The following INPP5B variants were observed in gnomAD, a reference collection of about 807,000 sequenced individuals.
The protein encoded by INPP5B is type II inositol 1,4,5-trisphosphate 5-phosphatase.
In INPP5B, 90 loss-of-function variants were observed where a neutral mutation model predicts 118.5. The ratio of observed to expected loss-of-function variants is 0.76; its 90% confidence interval spans 0.64 to 0.90. The LOEUF is 0.90. INPP5B is among the 40% of genes least tolerant of loss of function. The probability of loss-of-function intolerance (pLI) is 0.00; values close to 1 mark genes in which losing one functional copy is unlikely to be tolerated. For synonymous variants in INPP5B, 385 were observed against 418.9 expected, an observed-to-expected ratio of 0.92 and a Z score of 0.99; for missense variants, 984 against 1,125.6, an observed-to-expected ratio of 0.87 and a Z score of 1.80.
At chr1:37,939,758 TAG>T (rs1355678804) in intron 6 of INPP5B, among the ~76,000 whole-genome samples, 4 of 152,134 alleles carry the variant, frequency 2.6e-5, no homozygotes, top group Non-Finnish European at 5.9e-5. Context: ...TTTTATTTTT[TAG>T]AGACAGGGGT....
At chr1:37,883,620 C>A in intron 13 of INPP5B, 1 of 985,402 alleles carries the variant, frequency 1.0e-6, no homozygotes, top group African/African-American at 1.7e-5. Flanking sequence ...ATTAATGCAT[C>A]CACAAACTAA....
chr1:37,918,799 A>C (rs1343451093), intron 7 of INPP5B, among the ~76,000 whole-genome samples: 2 of 152,176 alleles, frequency 1.3e-5, no homozygotes, highest in Non-Finnish European at 2.9e-5. Context: ...AACCTAGCAC[A>C]ATGCCTGGTA....
chr1:37,941,536 GA>G (rs1389560356), intron 5 of INPP5B, among the ~76,000 whole-genome samples: 1 of 152,074 alleles, frequency 6.6e-6, no homozygotes, highest in Non-Finnish European at 1.5e-5. Flanking sequence ...AGCTACTTGG[GA>G]GGCTGAGGTG....
intron 7 of INPP5B, among the ~76,000 whole-genome samples, chr1:37,926,962 T>C (rs1645252450): frequency 6.6e-6 from 1 of 151,394 alleles, no homozygotes; most frequent in African/African-American, 2.4e-5. Flanking sequence ...ATCTAGTGGT[T>C]AGGAAGAAAA....
chr1:37,873,345 A>G (rs934564795), intron 18 of INPP5B, 180 bp from the exon 19 acceptor site: 1 of 595,854 alleles, frequency 1.7e-6, no homozygotes, highest in Non-Finnish European at 3.0e-6. Flanking sequence ...AAGAGTTTAT[A>G]GTCCAACTGG....
At position 37,863,967 on chromosome 1, in the gene INPP5B, A is replaced by C. The variant is rs553991890; in HGVS notation, c.2626+345T>G. Among the ~76,000 whole-genome samples, 11 of 151,732 alleles carry C rather than the reference A, an allele frequency of 7.2e-5. No individual in the cohort carries two copies. The East Asian group carries it at 2.2e-3, about 30-fold the overall frequency. On this transcript the variant is annotated intron_variant, in intron 23 of 23. Transcript: ENST00000373024. ...TTAGCTGGGATTACAGGCATGCACC[A>C]CCACACTCAGCTAATTTTTGTATTT...
intron 7 of INPP5B, among the ~76,000 whole-genome samples, chr1:37,924,109 A>AG (rs1396475046): frequency 6.6e-6 from 1 of 151,738 alleles, no homozygotes; most frequent in African/African-American, 2.4e-5. Context: ...AAATCCCCCT[A>AG]GGATAGACCC....
At chr1:37,939,842 C>A (rs142073819) in intron 6 of INPP5B, among the ~76,000 whole-genome samples, 1 of 152,110 alleles carries the variant, frequency 6.6e-6, no homozygotes, top group East Asian at 1.9e-4. Context: ...TCCTGGGCTC[C>A]GGTGATCCTC....
chr1:37,944,049 G>A (rs1217551788), intron 3 of INPP5B, among the ~76,000 whole-genome samples, 156 bp from the exon 4 acceptor site: 2 of 152,116 alleles, frequency 1.3e-5, no homozygotes, highest in African/African-American at 4.8e-5. Context: ...TCTGTCTGTG[G>A]TGCCCATCAG....
intron 15 of INPP5B, among the ~76,000 whole-genome samples, chr1:37,879,166 G>A (rs1445816666): frequency 6.6e-6 from 1 of 151,812 alleles, no homozygotes; most frequent in Non-Finnish European, 1.5e-5. Flanking sequence ...CAGCTACTCG[G>A]GAGGCTGAGG....
At chr1:37,934,301 G>A (rs1380069195) in intron 6 of INPP5B, among the ~76,000 whole-genome samples, 1 of 152,130 alleles carries the variant, frequency 6.6e-6, no homozygotes, top group African/African-American at 2.4e-5. Flanking sequence ...TTACTCGTCT[G>A]TAAAACAGGA....
At position 37,917,981 on chromosome 1, in the gene INPP5B, G is replaced by A. The variant is rs142432804; in HGVS notation, c.532+13932C>T. Reference sequence around the variant, plus strand: ...CGTTCTGTATGCAGGGGGGACCCAGGTAAAACTGTAGTCTGATTCTGGACT... The same window carrying A: ...CGTTCTGTATGCAGGGGGGACCCAGATAAAACTGTAGTCTGATTCTGGACT... On this transcript the variant is annotated intron_variant, in intron 7 of 23. Transcript: ENST00000373024. 2.0e-3 allele frequency among the ~76,000 whole-genome samples: 304 copies of A among 152,152 alleles called. 2 individuals are homozygous for A. Among genetic ancestry groups the A allele is most frequent in the African/African-American group, 7.0e-3 (289 of 41,510 alleles).
chr1:37,927,318 T>C (rs1645267349), intron 7 of INPP5B, among the ~76,000 whole-genome samples: 1 of 151,482 alleles, frequency 6.6e-6, no homozygotes, highest in Admixed American at 6.6e-5. Context: ...AGCAGTTAAA[T>C]AAGTGCAGGA....
intron 14 of INPP5B, among the ~76,000 whole-genome samples, chr1:37,882,217 A>G (rs1643248575): frequency 6.6e-6 from 1 of 152,226 alleles, no homozygotes; most frequent in African/African-American, 2.4e-5. Flanking sequence ...CAACCTGACC[A>G]CCTGAACAGG....
At chr1:37,897,286 T>C (rs1190427808) in intron 7 of INPP5B, among the ~76,000 whole-genome samples, 5 of 147,872 alleles carry the variant, frequency 3.4e-5, no homozygotes, top group Non-Finnish European at 6.0e-5. Context: ...TTTTGTGGAA[T>C]AGAAAGGGGG....
Position 37,943,549 on chromosome 1 carries a change from C to CA in INPP5B, c.280+90dup, listed in dbSNP as rs1646010811. The CA allele has an allele frequency of 2.9e-6, 4 of 1,383,716 alleles. No individual in the cohort carries two copies. The South Asian group carries it at 5.0e-5, about 17-fold the overall frequency. 85.7% of individuals were successfully genotyped at this position (1,383,716 alleles called of 1,614,324 possible). On this transcript the variant is annotated intron_variant, in intron 5 of 23. Transcript: ENST00000373024. ...GTCTTACTTGCTGCAATAAGTTTAG[C>CA]AGGGGGTGCTCTTACTTTACACCAT...
At chr1:37,893,631 T>C (rs1643913092) in intron 7 of INPP5B, among the ~76,000 whole-genome samples, 1 of 152,214 alleles carries the variant, frequency 6.6e-6, no homozygotes, top group South Asian at 2.1e-4. Context: ...ACCCAGTTTC[T>C]ACACTGTGGC....
rs375480784 is a variant in INPP5B, at chr1:37,889,562, G to A, written c.792C>T (p.Asn264=). The A allele has an allele frequency of 3.1e-6, 5 of 1,610,430 alleles. No individual in the cohort carries two copies. The African/African-American group carries it at 5.3e-5, about 17-fold the overall frequency. Residue 264 remains asparagine, a synonymous_variant, in exon 9 of 24, where the codon AAC becomes AAT. Coordinates refer to ENST00000373024, the MANE Select transcript of INPP5B (RefSeq NM_005540.3). ...CCTAGAACCCAGTTAGCTACCTGAA[G>A]TTCTGGATATAGGTGTAATCCTCTT... ...QKEEDYTYIQ[N]FRFFAGTYNV...
chr1:37,861,591 A>C lies in INPP5B; in HGVS notation c.*724T>G, dbSNP rs1284789510. On this transcript the variant is annotated 3_prime_UTR_variant, in exon 24 of 24. Transcript: ENST00000373024. ...AAACACACAAAAAAATTAGCCAGGCATGGTGGCGGACGCCTATAATCCCAG... is the reference window on the plus strand; with the variant it reads ...AAACACACAAAAAAATTAGCCAGGCCTGGTGGCGGACGCCTATAATCCCAG... The C allele has an allele frequency of 6.6e-6, 1 of 152,212 alleles. No homozygotes were observed. Among genetic ancestry groups the C allele is most frequent in the Non-Finnish European group, 1.5e-5 (1 of 68,112 alleles). The allele number at this position is 152,212 out of a possible 1,614,324, so 9.4% of individuals were successfully genotyped here. A position where few individuals can be genotyped will look rare whatever the true frequency, so the allele number is the denominator to read the frequency against.
Sources: gnomAD v4.1 joint callset for allele counts (sites outside exome capture counted in the v4.1 genomes callset) on GRCh38, gnomAD v4.1.1 for gene constraint, MANE v1.5 for transcripts, NCBI Gene and HGNC (gene_info 2026-07-23, HGNC 2026-07-21) for gene names.